Variants in PREX1 observed in about 807,000 individuals in gnomAD.
The protein encoded by PREX1 is phosphatidylinositol 3,4,5-trisphosphate-dependent Rac exchanger 1 protein.
Under a neutral mutation model 198.3 loss-of-function variants are expected in PREX1, and 41 were observed. The ratio of observed to expected loss-of-function variants is 0.21; its 90% CI spans 0.16 to 0.27. The LOEUF (loss-of-function observed/expected upper bound fraction) is 0.27. PREX1 is among the 10% of genes least tolerant of loss of function. The pLI, the probability that PREX1 is intolerant of heterozygous loss-of-function variation, is 1.00. For synonymous variants in PREX1, 843 were observed against 887.2 expected, an observed-to-expected ratio of 0.95 and a Z score of 0.89; for missense variants, 1,620 against 2,200.7, an observed-to-expected ratio of 0.74 and a Z score of 5.28.
chr20:48,869,855 T>C, the PREX1 span, among the ~76,000 whole-genome samples: 1 of 152,048 alleles, frequency 6.6e-6, no homozygotes, highest in Non-Finnish European at 1.5e-5. Context: ...AGTTGCAGGG[T>C]AAGCGGGGAG....
chr20:48,755,862 T>C (rs1031686480), intron 1 of PREX1, among the ~76,000 whole-genome samples: 1 of 152,262 alleles, frequency 6.6e-6, no homozygotes, highest in Admixed American at 6.5e-5. Context: ...TCCAGATTTC[T>C]ACAATGAACA....
At chr20:48,706,223 C>A (rs1436334211) in intron 6 of PREX1, among the ~76,000 whole-genome samples, 1 of 152,196 alleles carries the variant, frequency 6.6e-6, no homozygotes, top group Non-Finnish European at 1.5e-5. Flanking sequence ...CTGGAAATCA[C>A]TTCTGCTGCA....
At chr20:48,646,659 G>A (rs550802876) in intron 25 of PREX1, among the ~76,000 whole-genome samples, 4 of 146,108 alleles carry the variant, frequency 2.7e-5, no homozygotes, top group African/African-American at 1.0e-4. Flanking sequence ...ACTGCACAGA[G>A]CGAGAGAACC....
intron 6 of PREX1, among the ~76,000 whole-genome samples, chr20:48,703,939 A>G (rs4809719): frequency 0.16 from 23,705 of 152,196 alleles, 2,188 homozygotes; most frequent in Middle Eastern, 0.28. Context: ...GCTGAGCACC[A>G]AGACATGTGG....
intron 14 of PREX1, 138 bp downstream of exon 14, chr20:48,676,055 A>T: frequency 6.0e-6 from 5 of 832,302 alleles, no homozygotes; most frequent in East Asian, 2.6e-5. Flanking sequence ...AAAAAAAAAG[A>T]TCAAGATGGT....
intron 1 of PREX1, among the ~76,000 whole-genome samples, chr20:48,805,961 G>C (rs544569105): frequency 6.5e-4 from 99 of 152,356 alleles, no homozygotes; most frequent in African/African-American, 2.2e-3. Flanking sequence ...CTCTCAGGAT[G>C]TGCCAGACAC....
chr20:48,744,729 G>A (rs890612810), intron 3 of PREX1, among the ~76,000 whole-genome samples: 7 of 152,236 alleles, frequency 4.6e-5, no homozygotes, highest in African/African-American at 1.7e-4. Flanking sequence ...CTGTGGCAGA[G>A]GGGCCCCGCC....
chr20:48,807,585 G>C (rs554135368), intron 1 of PREX1, among the ~76,000 whole-genome samples: 4 of 151,012 alleles, frequency 2.6e-5, no homozygotes, highest in Non-Finnish European at 5.9e-5. Context: ...TTTTTTTCTT[G>C]TTTCTATAGG....
At chr20:48,853,658 C>T in the PREX1 span, among the ~76,000 whole-genome samples, 1 of 152,190 alleles carries the variant, frequency 6.6e-6, no homozygotes, top group Non-Finnish European at 1.5e-5. Flanking sequence ...CATGCACACA[C>T]ACACATCCAA....
chr20:48,731,679 C>A (rs1312207309), intron 4 of PREX1, among the ~76,000 whole-genome samples: 1 of 152,244 alleles, frequency 6.6e-6, no homozygotes, highest in East Asian at 1.9e-4. Context: ...TGTCCCATAA[C>A]AGACTCATGA....
rs200738159 is a variant in PREX1 at position 48,657,080 on chromosome 20, G to A, written c.2083C>T (p.Arg695Cys). 6.9e-5 allele frequency: 111 copies of A among 1,607,390 alleles called. No individual in the cohort carries two copies. The highest frequency in any genetic ancestry group is 1.6e-4 in the East Asian group (7 of 44,690). Reference protein sequence around the residue: ...ESILNQSFCSRRPLRLLVATK... With the variant: ...ESILNQSFCSCRPLRLLVATK... ...GCCACCAGGAGGCGCAGAGGGCGGC[G>A]GGAGCAGAAGGACTGGTTGAGGATG... The change falls in exon 18 of 40, where the codon CGC becomes TGC. Residue 695 changes from arginine (R) to cysteine (C), a missense_variant. By Grantham distance (180) the Arg-to-Cys change is radical (BLOSUM62 -3). This residue lies in a region of PREX1 where 514 missense variants were observed against 611.6 expected (regional missense o/e 0.84). Coordinates refer to ENST00000371941, the MANE Select transcript of PREX1 (RefSeq NM_020820.4).
intron 5 of PREX1, among the ~76,000 whole-genome samples, chr20:48,724,992 C>A (rs1286545666): frequency 6.6e-6 from 1 of 152,176 alleles, no homozygotes; most frequent in African/African-American, 2.4e-5. Context: ...AGGAGCAGAC[C>A]AGAGGAGGCA....
chr20:48,688,581 G>C, intron 10 of PREX1, 76 bp downstream of exon 10: 1 of 1,582,820 alleles, frequency 6.3e-7, no homozygotes, highest in South Asian at 1.1e-5. Flanking sequence ...CAGGCTGCAT[G>C]GGTGGATGGG....
chr20:48,821,848 T>G (rs1163593421), intron 1 of PREX1: 1 of 152,202 alleles, frequency 6.6e-6, no homozygotes, highest in African/African-American at 2.4e-5. Flanking sequence ...AAGTGACAGT[T>G]AAATTGCTAC....
chr20:48,763,779 C>G (rs553959166), intron 1 of PREX1, among the ~76,000 whole-genome samples: 15 of 152,218 alleles, frequency 9.9e-5, no homozygotes, highest in African/African-American at 3.6e-4. Flanking sequence ...AGAGCCTGCT[C>G]GGCCCCAGGG....
intron 7 of PREX1, among the ~76,000 whole-genome samples, chr20:48,699,593 CCAACCACTTCGGCAACTAT>C (rs1466388625): frequency 6.6e-6 from 1 of 152,128 alleles, no homozygotes; most frequent in African/African-American, 2.4e-5. Context: ...CTCCCAGAGC[CCAACCACTTCGGCAACTAT>C]CAACCAACCA....
intron 5 of PREX1, among the ~76,000 whole-genome samples, chr20:48,712,266 A>C (rs908057687): frequency 2.0e-5 from 3 of 152,194 alleles, no homozygotes; most frequent in African/African-American, 7.2e-5. Context: ...ACACAGAGGC[A>C]AGGTCCCCTA....
At chr20:48,847,088 C>T in the PREX1 span, among the ~76,000 whole-genome samples, 1 of 152,104 alleles carries the variant, frequency 6.6e-6, no homozygotes, top group African/African-American at 2.4e-5. Flanking sequence ...GGGGCCTACC[C>T]ACACCCGGGG....
At position 48,823,872 on chromosome 20, in the gene PREX1, C is replaced by A. The variant is rs148878196; in HGVS notation, c.219+3770G>T. Among the ~76,000 whole-genome samples the A allele has an allele frequency of 8.0e-3, 1,214 of 152,306 alleles. 10 individuals carry two copies. The highest frequency in any genetic ancestry group is 0.026 in the African/African-American group (1,076 of 41,544). On this transcript the variant is annotated intron_variant, in intron 1 of 39. Transcript: ENST00000371941. ...GATCAAATCCTGGCAATGCTGTCCA[C>A]CTGACCCAGAGCAGCTCACTTAGAT... is the stretch of plus-strand genomic sequence containing the variant.
Sources: allele counts gnomAD v4.1 joint callset (sites outside exome capture counted in the v4.1 genomes callset), GRCh38; gene constraint gnomAD v4.1.1; regional missense constraint gnomAD v4.1.1; transcripts MANE v1.5; gene names NCBI Gene and HGNC (gene_info 2026-07-23, HGNC 2026-07-21).